The following SIPA1L2 variants were observed in gnomAD, a reference collection of about 807,000 sequenced individuals.
The protein encoded by SIPA1L2 is signal-induced proliferation-associated 1-like protein 2.
A neutral mutation model predicts 163.9 loss-of-function variants in SIPA1L2; 56 were observed. That is an observed-to-expected ratio of 0.34 (90% CI 0.28 to 0.43). The LOEUF is 0.43. SIPA1L2 is among the 20% of genes least tolerant of loss of function. The pLI is 1.00. For synonymous variants in SIPA1L2, 877 were observed against 865.7 expected (o/e 1.01, Z -0.23); for missense variants, 1,974 against 2,193.5 (o/e 0.90, Z 2.00).
intron 18 of SIPA1L2, among the ~76,000 whole-genome samples, chr1:232,418,272 G>A (rs925103368): frequency 6.6e-6 from 1 of 152,144 alleles, no homozygotes; most frequent in Non-Finnish European, 1.5e-5. Flanking sequence ...AGGGGATGGC[G>A]GCCAGTGCCC....
At position 232,432,489 on chromosome 1, in the gene SIPA1L2, C is replaced by A. The variant is rs1662304995; in HGVS notation, c.4032-18G>T. On this transcript the variant is annotated intron_variant, in intron 15 of 22. Coordinates refer to ENST00000674635, the MANE Select transcript of SIPA1L2 (RefSeq NM_020808.5). ...GAGAACCACTGAGGAGAAAAACAGA[C>A]AAAAGCTGCAATACAATCTGATTTC... The A allele has an allele frequency of 3.7e-6, 6 of 1,603,642 alleles. No homozygotes were observed. The highest frequency in any genetic ancestry group is 1.7e-5 in the Admixed American group (1 of 59,962).
intron 2 of SIPA1L2, among the ~76,000 whole-genome samples, chr1:232,561,087 G>A (rs929943833): frequency 2.0e-5 from 3 of 152,272 alleles, no homozygotes; most frequent in South Asian, 2.1e-4. Flanking sequence ...CATTCCCACC[G>A]TCTACCAGTT....
chr1:232,594,492 C>T (rs1188437402), intron 1 of SIPA1L2, among the ~76,000 whole-genome samples: 1 of 152,134 alleles, frequency 6.6e-6, no homozygotes, highest in Non-Finnish European at 1.5e-5. Context: ...TCATCACCCA[C>T]AGCCATCGCT....
chr1:232,441,852 G>T lies in SIPA1L2; in HGVS notation c.3454C>A (p.Leu1152Met). 6.2e-7 allele frequency: 1 copy of T among 1,612,778 alleles called. No homozygotes were observed. The highest frequency in any genetic ancestry group is 1.1e-5 in the South Asian group (1 of 90,632). ...GGGCCTGAGCCCTGGTGTTCGAGCA[G>T]TAGAGGGGACTGGCACCTGAAAAGA... is the stretch of plus-strand genomic sequence containing the variant. The part of the protein sequence containing the change: ...VGYDGCQSPL[L>M]LEHQGSGPLE... Residue 1152 changes from leucine to methionine, a missense_variant, in exon 13 of 23, where the codon CTG becomes ATG. By Grantham distance (15) the Leu-to-Met change is conservative. This residue lies in a region of SIPA1L2 where 1,079 missense variants were observed against 1,150.7 expected (regional missense o/e 0.94). Transcript: ENST00000674635.
intron 10 of SIPA1L2, among the ~76,000 whole-genome samples, chr1:232,448,847 A>G (rs1051536933): frequency 6.6e-6 from 1 of 152,166 alleles, no homozygotes; most frequent in Non-Finnish European, 1.5e-5. Flanking sequence ...TCAGGCAGTA[A>G]CCTATCCCCT....
At position 232,542,313 on chromosome 1, in the gene SIPA1L2, C is replaced by T. The variant is rs148259700; in HGVS notation, c.-269-26705G>A. ...TGGGGCACAATCGCCTGCATCTATG[C>T]CATCTATGCCATGCTTAAAGATGTG... On this transcript the variant is annotated intron_variant, in intron 2 of 22. Coordinates refer to ENST00000674635, the MANE Select transcript of SIPA1L2 (RefSeq NM_020808.5). Among the ~76,000 whole-genome samples the T allele has an allele frequency of 2.1e-4, 32 of 152,300 alleles. 1 individual carries two copies. In the East Asian group the frequency reaches 6.0e-3, roughly 28 times the overall value.
At position 232,402,576 on chromosome 1, in the gene SIPA1L2, A is replaced by T. The variant is rs1002932417; in HGVS notation, c.4941-103T>A. 3.2e-5 allele frequency: 28 copies of T among 871,506 alleles called. No individual in the cohort carries two copies. In the African/African-American group the frequency reaches 4.4e-4, roughly 14 times the overall value. The allele number at this position is 871,506 out of a possible 1,614,324, so 54.0% of individuals were successfully genotyped here. A position where few individuals can be genotyped will look rare whatever the true frequency, so the allele number is the denominator to read the frequency against. On this transcript the variant is annotated intron_variant, in intron 21 of 22. Transcript: ENST00000674635. ...AAATTATTTCATGTGCTTAGAGCCC[A>T]GCAAGCAGATATATTATATTATGTC...
At chr1:232,428,370 TTAG>T in intron 17 of SIPA1L2, 38 bp downstream of exon 17, 3 of 1,344,034 alleles carry the variant, frequency 2.2e-6, no homozygotes, top group Non-Finnish European at 2.9e-6. Flanking sequence ...TTTTTTTTTT[TTAG>T]TGTTTCTGGT....
chr1:232,613,526 C>T (rs1662357392), intron 1 of SIPA1L2, among the ~76,000 whole-genome samples: 2 of 152,112 alleles, frequency 1.3e-5, no homozygotes, highest in Admixed American at 6.6e-5. Flanking sequence ...TGAAGGTATC[C>T]AACACGGAAC....
At chr1:232,549,119 C>T (rs973355189) in intron 2 of SIPA1L2, among the ~76,000 whole-genome samples, 1 of 152,180 alleles carries the variant, frequency 6.6e-6, no homozygotes, top group Non-Finnish European at 1.5e-5. Context: ...TGGGTCTGTG[C>T]CACCAGCACC....
chr1:232,494,913 T>C (rs997511708), intron 3 of SIPA1L2, among the ~76,000 whole-genome samples: 1 of 152,134 alleles, frequency 6.6e-6, no homozygotes, highest in Non-Finnish European at 1.5e-5. Flanking sequence ...ATCGATTTTT[T>C]TTCACCCTGA....
In SIPA1L2 at chr1:232,578,693, C is replaced by T. The variant is rs186138016; in HGVS notation, c.-318-4471G>A. On this transcript the variant is annotated intron_variant, in intron 1 of 22. Coordinates refer to ENST00000674635, the MANE Select transcript of SIPA1L2 (RefSeq NM_020808.5). The stretch of plus-strand genomic sequence containing the variant: ...GAGACACTTGGTGTTGTAATATCCC[C>T]AACACAATGAACAGTCTGTAAAAGG... Among the ~76,000 whole-genome samples the T allele has an allele frequency of 4.8e-3, 729 of 152,280 alleles. 5 individuals are homozygous for T. Among genetic ancestry groups the T allele is most frequent in the South Asian group, 0.015 (74 of 4,822 alleles).
At chr1:232,400,997 C>T (rs549161690) in intron 22 of SIPA1L2, among the ~76,000 whole-genome samples, 2 of 152,232 alleles carry the variant, frequency 1.3e-5, no homozygotes, top group African/African-American at 4.8e-5. Context: ...TTTCACTGTC[C>T]ACCAACACCT....
chr1:232,570,585 G>C (rs1420632223), intron 2 of SIPA1L2, among the ~76,000 whole-genome samples: 2 of 152,188 alleles, frequency 1.3e-5, no homozygotes, highest in Non-Finnish European at 2.9e-5. Flanking sequence ...GGGTCCAATT[G>C]TAACCCATGT....
chr1:232,404,178 C>T lies in SIPA1L2; in HGVS notation c.4763G>A (p.Gly1588Asp), dbSNP rs964795810. The change falls in exon 20 of 23, where the codon GGT (glycine) becomes GAT (aspartate). Residue 1588 changes from glycine (G) to aspartate (D), a missense_variant and splice_region_variant. This residue lies in a region of SIPA1L2 where 1,079 missense variants were observed against 1,150.7 expected (regional missense o/e 0.94). Coordinates refer to ENST00000674635, the MANE Select transcript of SIPA1L2 (RefSeq NM_020808.5). ...HLVDAARAFE[G>D]LDSDEELGLL... ...CCCCAGTTCTTCATCTGAGTCAAGA[C>T]CTGAAATAAGATTTAGAATTTTCCT... The T allele has an allele frequency of 1.9e-6, 3 of 1,613,820 alleles. No homozygotes were observed. Among genetic ancestry groups the T allele is most frequent in the African/African-American group, 1.3e-5 (1 of 74,850 alleles).
At chr1:232,440,902 A>G (rs1162688852) in intron 14 of SIPA1L2, among the ~76,000 whole-genome samples, 1 of 152,226 alleles carries the variant, frequency 6.6e-6, no homozygotes, top group Non-Finnish European at 1.5e-5. Context: ...TGATTAAATC[A>G]TCGATGACTG....
At chr1:232,462,369 A>G in intron 9 of SIPA1L2, 2 of 1,511,414 alleles carry the variant, frequency 1.3e-6, no homozygotes, top group South Asian at 1.3e-5. Context: ...TCTATGAAAC[A>G]TGCTCTGACT....
At position 232,422,465 on chromosome 1, in the gene SIPA1L2, G is replaced by T. The variant is rs979027697; in HGVS notation, c.4630+3124C>A. On this transcript the variant is annotated intron_variant, in intron 18 of 22. Transcript: ENST00000674635. ...ACTATGATAATTACATGTAGAAAAG[G>T]TGCAGAGATTAGGTCTTCCAATATT... is the stretch of plus-strand genomic sequence containing the variant. 3.9e-5 allele frequency among the ~76,000 whole-genome samples: 6 copies of T among 152,314 alleles called. No individual in the cohort carries two copies. In the East Asian group the frequency reaches 1.2e-3, roughly 29 times the overall value.
intron 2 of SIPA1L2, among the ~76,000 whole-genome samples, chr1:232,524,517 T>A (rs2103067580): frequency 6.6e-6 from 1 of 152,286 alleles, no homozygotes; most frequent in East Asian, 1.9e-4. Context: ...CTGAAAAATC[T>A]ACCCAAGAAA....
Sources: gnomAD v4.1 joint callset for allele counts (sites outside exome capture counted in the v4.1 genomes callset) on GRCh38, gnomAD v4.1.1 for gene constraint, gnomAD v4.1.1 regional missense constraint, MANE v1.5 for transcripts, NCBI Gene and HGNC (gene_info 2026-07-23, HGNC 2026-07-21) for gene names.